The following SGCA variants were observed in gnomAD, a reference collection of about 807,000 sequenced individuals.
The protein encoded by SGCA is sarcoglycan alpha, also known as alpha-sarcoglycan.
A neutral mutation model predicts 38.1 loss-of-function variants in SGCA; 34 were observed. That is an observed-to-expected ratio of 0.89 (90% CI 0.68 to 1.19). The LOEUF is 1.19. Among genes scored for constraint, SGCA ranks in the 50% most tolerant of loss-of-function variants. The probability of loss-of-function intolerance (pLI) is 0.00; values close to 1 mark genes in which losing one functional copy is unlikely to be tolerated. For missense variants in SGCA, 476 were observed against 524.9 expected (o/e 0.91, Z 0.91); for synonymous variants, 209 against 214.6 (o/e 0.97, Z 0.23).
At position 50,175,237 on chromosome 17, in the gene SGCA, C is replaced by T. The variant is rs761952510; in HGVS notation, c.984-20C>T. 3 of 1,586,952 alleles carry T rather than the reference C, an allele frequency of 1.9e-6. No individual in the cohort carries two copies. The East Asian group carries it at 6.8e-5, about 36-fold the overall frequency. ...GGCAGCTGACTCCCAGAGCTGATGACTCCCCACCTGTGCCTCCAGCATCCA... is the reference window on the plus strand; with the variant it reads ...GGCAGCTGACTCCCAGAGCTGATGATTCCCCACCTGTGCCTCCAGCATCCA... On this transcript the variant is annotated intron_variant, in intron 8 of 9. Transcript: ENST00000262018.
rs1905911591 is a variant in SGCA at position 50,175,925 on chromosome 17, C to T, written c.*226C>T. ...ACCAATTGCTGCTGGCAGCCTCTCC[C>T]GTCCTCACTGGCTCTGTTTCCCTTT... On this transcript the variant is annotated 3_prime_UTR_variant, in exon 10 of 10. Coordinates refer to ENST00000262018, the MANE Select transcript of SGCA (RefSeq NM_000023.4). The T allele has an allele frequency of 4.5e-6, 2 of 440,334 alleles. No homozygotes were observed. The highest frequency in any genetic ancestry group is 3.2e-5 in the South Asian group (2 of 61,716). 27.3% of individuals were successfully genotyped at this position (440,334 alleles called of 1,614,324 possible).
chr17:50,170,631 T>C lies in SGCA; in HGVS notation c.957-9T>C, dbSNP rs1598271298. The C allele has an allele frequency of 1.3e-6, 2 of 1,560,010 alleles. No homozygotes were observed. Among genetic ancestry groups the C allele is most frequent in the Non-Finnish European group, 1.7e-6 (2 of 1,150,882 alleles). ...AGCTGGGCTAACCCTCTCCTTCACT[T>C]TTCCACAGGCTGAAGAGAGACCTGG... On this transcript the variant is annotated splice_polypyrimidine_tract_variant and intron_variant, in intron 7 of 9. Coordinates refer to ENST00000262018, the MANE Select transcript of SGCA (RefSeq NM_000023.4).
rs1189524189 is a variant in SGCA at position 50,167,526 on chromosome 17, G to T, written c.157+39G>T. ...CAGGCACCCAGGCGGGCGGGCTGGG[G>T]TGTACCCCGCAGGGCTCCTGCTGTG... On this transcript the variant is annotated intron_variant, in intron 2 of 9. Transcript: ENST00000262018. This position sits in a 1 kb window ranked among gnomAD's most constrained non-coding sequence, Gnocchi z 4.5. The T allele has an allele frequency of 6.2e-7, 1 of 1,613,976 alleles. No individual in the cohort carries two copies. Among genetic ancestry groups the T allele is most frequent in the African/African-American group, 1.3e-5 (1 of 74,918 alleles).
chr17:50,168,715 T>C, intron 5 of SGCA, 143 bp downstream of exon 5: 1 of 769,986 alleles, frequency 1.3e-6, no homozygotes, highest in South Asian at 1.5e-5. Context: ...ACCACTCTCC[T>C]CTGGCTATAC....
At chr17:50,169,525 C>T (rs1905209345) in intron 6 of SGCA, 2 of 517,038 alleles carry the variant, frequency 3.9e-6, no homozygotes, top group Non-Finnish European at 6.9e-6. Context: ...TCCCGCGCCC[C>T]AGATCTGCCC....
chr17:50,175,208 C>A (rs1905827633), intron 8 of SGCA, 49 bp from the exon 9 acceptor site: 3 of 1,548,462 alleles, frequency 1.9e-6, no homozygotes, highest in African/African-American at 1.4e-5. Flanking sequence ...AGGCTGTACT[C>A]CAGGGCAGCT....
Position 50,170,673 on chromosome 17 carries a change from A to G in SGCA, c.983+7A>G. On this transcript the variant is annotated splice_region_variant and intron_variant, in intron 8 of 9. Coordinates refer to ENST00000262018, the MANE Select transcript of SGCA (RefSeq NM_000023.4). ...GAGACCTGGCTACCTCCGAGTGAGTAAAGGAAAGCTGGGGGTGGGGTGGGA... is the reference window on the plus strand; with the variant it reads ...GAGACCTGGCTACCTCCGAGTGAGTGAAGGAAAGCTGGGGGTGGGGTGGGA... The G allele has an allele frequency of 6.4e-7, 1 of 1,559,022 alleles. No homozygotes were observed. The highest frequency in any genetic ancestry group is 1.2e-5 in the South Asian group (1 of 84,706).
At chr17:50,172,125 C>G in intron 8 of SGCA, 1 of 456,536 alleles carries the variant, frequency 2.2e-6, no homozygotes, top group Non-Finnish European at 4.4e-6. Context: ...AGGTGTGTCC[C>G]GGTTCCTGGT....
chr17:50,170,726 C>T (rs1905314393), intron 8 of SGCA, 60 bp downstream of exon 8: 7 of 1,357,560 alleles, frequency 5.2e-6, no homozygotes, highest in Non-Finnish European at 7.2e-6. Context: ...TTGGACCCCG[C>T]CACCAAACTA....
chr17:50,169,238 G>A lies in SGCA; in HGVS notation c.731G>A (p.Trp244Ter). 6.2e-7 allele frequency: 1 copy of A among 1,613,400 alleles called. No homozygotes were observed. The highest frequency in any genetic ancestry group is 8.5e-7 in the Non-Finnish European group (1 of 1,179,498). Reference protein sequence around the residue: ...DTLAPHFRVDWCNVTLVDKSV... With the variant: ...DTLAPHFRVD ...TTGGCACCCCACTTCCGCGTTGACTGGTGCAATGTGACCCTGGTGAGGAGG... is the reference window on the plus strand; with the variant it reads ...TTGGCACCCCACTTCCGCGTTGACTAGTGCAATGTGACCCTGGTGAGGAGG... The change falls in exon 6 of 10, where the codon TGG becomes TAG. Residue 244 changes from tryptophan (W) to a stop codon, truncating the protein, a stop_gained. Transcript: ENST00000262018. LOFTEE classifies it high-confidence loss of function.
Position 50,167,243 on chromosome 17 carries a change from A to C in SGCA, c.38-125A>C. On this transcript the variant is annotated intron_variant, in intron 1 of 9. Coordinates refer to ENST00000262018, the MANE Select transcript of SGCA (RefSeq NM_000023.4). The surrounding 1 kb of genome is among the most constrained non-coding windows in gnomAD (Gnocchi z 4.5). The stretch of plus-strand genomic sequence containing the variant: ...ATCCCCACCCCAATCCCTTCCTGGG[A>C]GGCAGCAAAGGAAGCGCTTCTCTCG... The C allele has an allele frequency of 7.4e-7, 1 of 1,349,918 alleles. No individual in the cohort carries two copies. Among genetic ancestry groups the C allele is most frequent in the Non-Finnish European group, 1.0e-6 (1 of 971,688 alleles). The allele number at this position is 1,349,918 out of a possible 1,614,324, so 83.6% of individuals were successfully genotyped here. A position where few individuals can be genotyped will look rare whatever the true frequency, so the allele number is the denominator to read the frequency against.
Position 50,169,147 on chromosome 17 carries a change from G to A in SGCA, c.640G>A (p.Ala214Thr). The change falls in exon 6 of 10, where the codon GCA (alanine) becomes ACA (threonine). Residue 214 changes from alanine to threonine, a missense_variant. Transcript: ENST00000262018. ...TTTTTCTACTTGCCTGAAGATGGTG[G>A]CATCCCCCGATAGCCACGCCCGCTG... The part of the protein sequence containing the change: ...SPFSTCLKMV[A>T]SPDSHARCAQ... 1.2e-6 allele frequency: 2 copies of A among 1,613,916 alleles called. No homozygotes were observed. Among genetic ancestry groups the A allele is most frequent in the South Asian group, 1.1e-5 (1 of 91,072 alleles).
rs1489723301 is a variant in SGCA at position 50,170,191 on chromosome 17, G to A, written c.796G>A (p.Asp266Asn). Residue 266 changes from aspartate (D) to asparagine (N), a missense_variant, in exon 7 of 10, where the codon GAT (aspartate) becomes AAT (asparagine). Coordinates refer to ENST00000262018, the MANE Select transcript of SGCA (RefSeq NM_000023.4). ...TGCAGATGAGGTGCCCACCCCAGGT[G>A]ATGGGATCCTGGAGCATGACCCGTT... is the stretch of plus-strand genomic sequence containing the variant. ...EPADEVPTPG[D>N]GILEHDPFFC... 1 of 1,614,202 alleles carries A rather than the reference G, an allele frequency of 6.2e-7. No individual in the cohort carries two copies. The highest frequency in any genetic ancestry group is 8.5e-7 in the Non-Finnish European group (1 of 1,180,038).
chr17:50,169,534 C>G (rs1406810676), intron 6 of SGCA: 1 of 508,308 alleles, frequency 2.0e-6, no homozygotes, highest in Non-Finnish European at 3.5e-6. Flanking sequence ...CCAGATCTGC[C>G]CAGGTCAACA....
In SGCA at chr17:50,168,530, G is replaced by T. The variant is rs746412103; in HGVS notation, c.542G>T (p.Arg181Leu). Residue 181 changes from arginine (R) to leucine (L), a missense_variant, in exon 5 of 10, where the codon CGT (arginine) becomes CTT (leucine). Physicochemically the swap from Arg to Leu is moderately radical, Grantham distance 102 (BLOSUM62 -2). Coordinates refer to ENST00000262018, the MANE Select transcript of SGCA (RefSeq NM_000023.4). ...QLLNVTSALD[R>L]GGRVPLPIEG... ...CTCAACGTCACCTCTGCCTTGGACC[G>T]TGGGGGCCGTGTCCCCCTTCCCATT... 2.5e-6 allele frequency: 4 copies of T among 1,576,096 alleles called. No homozygotes were observed. In the East Asian group the frequency reaches 6.9e-5, roughly 27 times the overall value.
At chr17:50,170,090 A>G in intron 6 of SGCA, 53 bp from the exon 7 acceptor site, 1 of 1,490,818 alleles carries the variant, frequency 6.7e-7, no homozygotes, top group Non-Finnish European at 9.3e-7. Flanking sequence ...GTTCCTGGGG[A>G]CCTCTGTGTC....
rs777898534 is a variant in SGCA, at chr17:50,166,024, G to T, written c.-17G>T. The T allele has an allele frequency of 3.7e-6, 6 of 1,611,532 alleles. No individual in the cohort carries two copies. The South Asian group carries it at 5.5e-5, about 15-fold the overall frequency. Reference sequence around the variant, plus strand: ...CCCTGTCTCTGTCACTCACCGGGCGGGCCAGGCCGGGCAGCCATGGCTGAG... The same window carrying T: ...CCCTGTCTCTGTCACTCACCGGGCGTGCCAGGCCGGGCAGCCATGGCTGAG... On this transcript the variant is annotated 5_prime_UTR_variant, in exon 1 of 10. Coordinates refer to ENST00000262018, the MANE Select transcript of SGCA (RefSeq NM_000023.4).
At position 50,167,171 on chromosome 17, in the gene SGCA, G is replaced by A. The variant is rs922517558; in HGVS notation, c.38-197G>A. ...TGGGAGAGGTTCTCCCTCGAATCCCGAAACCCAGACGATTAAAATGTCTAG... is the reference window on the plus strand; with the variant it reads ...TGGGAGAGGTTCTCCCTCGAATCCCAAAACCCAGACGATTAAAATGTCTAG... On this transcript the variant is annotated intron_variant, in intron 1 of 9. Coordinates refer to ENST00000262018, the MANE Select transcript of SGCA (RefSeq NM_000023.4). This position sits in a 1 kb window ranked among gnomAD's most constrained non-coding sequence, Gnocchi z 4.5. Among the ~76,000 whole-genome samples the A allele has an allele frequency of 6.6e-6, 1 of 152,022 alleles. No individual in the cohort carries two copies. Among genetic ancestry groups the A allele is most frequent in the Non-Finnish European group, 1.5e-5 (1 of 67,998 alleles).
At chr17:50,168,676 C>T in intron 5 of SGCA, 104 bp downstream of exon 5, 1 of 984,658 alleles carries the variant, frequency 1.0e-6, no homozygotes, top group Non-Finnish European at 1.6e-6. Flanking sequence ...TTACCACGCA[C>T]ATCTCCACCT....
Sources: allele counts gnomAD v4.1 joint callset (sites outside exome capture counted in the v4.1 genomes callset), GRCh38; gene constraint gnomAD v4.1.1; non-coding constraint Gnocchi (gnomAD v3.1); transcripts MANE v1.5; gene names NCBI Gene and HGNC (gene_info 2026-07-23, HGNC 2026-07-21).